The following CNTN5 variants were observed in gnomAD, a reference collection of about 807,000 sequenced individuals.
CNTN5 encodes contactin 5.
In CNTN5, 77 loss-of-function variants were observed where a neutral mutation model predicts 129.1. The observed-to-expected ratio is 0.60, with a 90% CI of 0.50 to 0.72. The LOEUF is 0.72. Among genes scored for constraint, CNTN5 ranks in the 30% least tolerant of loss-of-function variants. CNTN5 has a pLI of 0.00. For missense variants in CNTN5, 1,478 were observed against 1,328.8 expected (o/e 1.11, Z -1.75); for synonymous variants, 509 against 465.6 (o/e 1.09, Z -1.20).
chr11:99,366,481 A>C (rs191825539), intron 2 of CNTN5, among the ~76,000 whole-genome samples: 1 of 152,312 alleles, frequency 6.6e-6, no homozygotes, highest in Admixed American at 6.5e-5. Flanking sequence ...TGGGGAAGGA[A>C]GGTCTCCACT....
chr11:99,133,585 T>C (rs1468892369), intron 1 of CNTN5, among the ~76,000 whole-genome samples: 1 of 84,702 alleles, frequency 1.2e-5, no homozygotes, highest in African/African-American at 5.0e-5. Context: ...ATTATTAAAA[T>C]GTGGGCAAAG....
At chr11:99,234,762 T>G (rs553082987) in intron 1 of CNTN5, among the ~76,000 whole-genome samples, 1 of 151,900 alleles carries the variant, frequency 6.6e-6, no homozygotes, top group South Asian at 2.1e-4. Flanking sequence ...TAATAAATAA[T>G]AAAAGTAAAT....
At chr11:99,374,050 A>G (rs2136139965) in intron 2 of CNTN5, among the ~76,000 whole-genome samples, 2 of 152,328 alleles carry the variant, frequency 1.3e-5, no homozygotes, top group Admixed American at 1.3e-4. Context: ...TGAGGAAGTT[A>G]TCGAAACATT....
chr11:99,269,855 A>G (rs948466506), intron 1 of CNTN5, among the ~76,000 whole-genome samples: 1 of 151,932 alleles, frequency 6.6e-6, no homozygotes, highest in African/African-American at 2.4e-5. Context: ...TGATTTTCAT[A>G]AGTGACTGTT....
At chr11:100,239,098 G>A (rs542946319) in intron 16 of CNTN5, among the ~76,000 whole-genome samples, 4 of 152,192 alleles carry the variant, frequency 2.6e-5, no homozygotes, top group African/African-American at 4.8e-5. Flanking sequence ...TCTTGCATTC[G>A]TTTCCTGAAG....
At position 99,956,828 on chromosome 11, in the gene CNTN5, T is replaced by A. The variant is rs1393903826; in HGVS notation, c.696T>A (p.Phe232Leu). The part of the protein sequence containing the change: ...HSPEIIYSWV[F>L]NEFPSFVAED... ...CAGAGATCATCTATAGCTGGGTATT[T>A]AATGAGTTCCCTTCCTTTGTGGCGG... Residue 232 changes from phenylalanine to leucine, a missense_variant, in exon 8 of 25, where the codon TTT becomes TTA. Physicochemically the swap from Phe to Leu is conservative, Grantham distance 22. Transcript: ENST00000524871. 6.2e-7 allele frequency: 1 copy of A among 1,613,848 alleles called. No homozygotes were observed.
intron 3 of CNTN5, among the ~76,000 whole-genome samples, chr11:99,794,242 A>G (rs1273295305): frequency 4.1e-5 from 6 of 146,788 alleles, no homozygotes; most frequent in Non-Finnish European, 3.0e-5. Flanking sequence ...TAGAATAGCA[A>G]TCATTGCTTT....
At chr11:100,078,967 A>G (rs957652616) in intron 13 of CNTN5, among the ~76,000 whole-genome samples, 1 of 152,160 alleles carries the variant, frequency 6.6e-6, no homozygotes, top group African/African-American at 2.4e-5. Flanking sequence ...GGAAACGTAC[A>G]ATCATGGCGT....
intron 1 of CNTN5, among the ~76,000 whole-genome samples, chr11:99,032,272 G>A (rs1000287001): frequency 2.0e-5 from 3 of 151,800 alleles, no homozygotes; most frequent in Non-Finnish European, 4.4e-5. Flanking sequence ...AGTCCTTTGG[G>A]TATATAGCCA....
At chr11:99,721,682 CAG>C (rs1200878129) in intron 3 of CNTN5, among the ~76,000 whole-genome samples, 2 of 152,136 alleles carry the variant, frequency 1.3e-5, no homozygotes, top group Non-Finnish European at 2.9e-5. Flanking sequence ...AAACTATCAA[CAG>C]AGTAAATAGA....
intron 2 of CNTN5, among the ~76,000 whole-genome samples, chr11:99,551,652 T>G (rs1411846314): frequency 6.6e-6 from 1 of 152,156 alleles, no homozygotes; most frequent in Non-Finnish European, 1.5e-5. Context: ...CACAAACCTA[T>G]ATGGTGCAGC....
At chr11:99,037,576 C>CTTTTTTTTTTTTTTTTTTTTTTTT (rs1161467398) in intron 1 of CNTN5, among the ~76,000 whole-genome samples, 1 of 105,670 alleles carries the variant, frequency 9.5e-6, no homozygotes, top group African/African-American at 3.5e-5. Context: ...TTTTTCTTTT[C>CTTTTTTTTTTTTTTTTTTTTTTTT]TTTTTTTTTT....
intron 3 of CNTN5, among the ~76,000 whole-genome samples, chr11:99,766,178 G>A (rs772224573): frequency 5.3e-5 from 8 of 151,894 alleles, no homozygotes; most frequent in African/African-American, 7.2e-5. Context: ...TATGATAAAC[G>A]TTTATTTAAA....
chr11:99,132,544 A>T (rs1467714043), intron 1 of CNTN5, among the ~76,000 whole-genome samples: 5 of 152,204 alleles, frequency 3.3e-5, no homozygotes, highest in African/African-American at 1.2e-4. Flanking sequence ...CTGATAAGCA[A>T]CTTCAGTAAA....
chr11:99,690,365 T>C (rs1336930415), intron 3 of CNTN5, among the ~76,000 whole-genome samples: 1 of 152,194 alleles, frequency 6.6e-6, no homozygotes, highest in Non-Finnish European at 1.5e-5. Context: ...GGTAACATGA[T>C]GCCTCCAGCT....
chr11:99,768,428 G>A (rs753598881), intron 3 of CNTN5, among the ~76,000 whole-genome samples: 19 of 152,006 alleles, frequency 1.2e-4, no homozygotes, highest in Non-Finnish European at 2.6e-4. Context: ...CAGTAATATT[G>A]TCTCATAGAC....
intron 1 of CNTN5, among the ~76,000 whole-genome samples, chr11:99,091,201 G>T (rs140705973): frequency 2.9e-4 from 44 of 152,104 alleles, no homozygotes; most frequent in African/African-American, 9.9e-4. Flanking sequence ...TACCACTTGC[G>T]GTCCTGTTAC....
At chr11:99,322,089 T>C (rs1865598021) in intron 1 of CNTN5, among the ~76,000 whole-genome samples, 1 of 152,158 alleles carries the variant, frequency 6.6e-6, no homozygotes, top group African/African-American at 2.4e-5. Context: ...TTTCTAGGGC[T>C]TCCATAAAAC....
chr11:99,925,872 GAA>G (rs2136053818), intron 7 of CNTN5, among the ~76,000 whole-genome samples: 1 of 152,150 alleles, frequency 6.6e-6, no homozygotes, highest in Non-Finnish European at 1.5e-5. Context: ...ACACTATGAT[GAA>G]GGAATACCAG....
Sources: gnomAD v4.1 joint callset for allele counts (sites outside exome capture counted in the v4.1 genomes callset) on GRCh38, gnomAD v4.1.1 for gene constraint, MANE v1.5 for transcripts, NCBI Gene and HGNC (gene_info 2026-07-23, HGNC 2026-07-21) for gene names.